Variants in AP4E1 observed in about 807,000 individuals in gnomAD.
AP4E1 encodes AP-4 complex subunit epsilon-1.
AP4E1 carries 56 observed loss-of-function variants against 128.2 expected under a neutral mutation model. The ratio of observed to expected loss-of-function variants is 0.44; its 90% CI spans 0.35 to 0.55. AP4E1 has a LOEUF of 0.55. Among genes scored for constraint, AP4E1 ranks in the 20% least tolerant of loss-of-function variants. AP4E1 has a pLI of 0.00. For missense variants in AP4E1, 1,324 were observed against 1,307.7 expected (o/e 1.01, Z -0.19); for synonymous variants, 484 against 473.1 (o/e 1.02, Z -0.30).
chr15:50,951,604 T>A (rs908840621), intron 13 of AP4E1, among the ~76,000 whole-genome samples: 5 of 152,208 alleles, frequency 3.3e-5, no homozygotes, highest in African/African-American at 9.6e-5. Context: ...AATGTTAGCA[T>A]GTTAGCTTAA....
At chr15:50,950,013 T>C (rs757269694) in intron 12 of AP4E1, 38 bp from the exon 13 acceptor site, 1 of 1,593,366 alleles carries the variant, frequency 6.3e-7, no homozygotes, top group South Asian at 1.1e-5. Context: ...CTAAGATAAG[T>C]TTGTGGAAAT....
At position 50,997,792 on chromosome 15, in the gene AP4E1, A is replaced by G. The variant is rs372620158; in HGVS notation, c.2813A>G (p.Asp938Gly). 110 of 1,609,642 alleles carry G rather than the reference A, an allele frequency of 6.8e-5. No individual in the cohort carries two copies. The highest frequency in any genetic ancestry group is 1.5e-4 in the Admixed American group (9 of 59,616). The change falls in exon 18 of 21, where the codon GAT becomes GGT. Residue 938 changes from aspartate (D) to glycine (G), a missense_variant. By Grantham distance (94) the Asp-to-Gly change is moderately conservative (BLOSUM62 -1). Transcript: ENST00000261842. ...SVSSYKIWKD[D>G]CLLMVWSVTN... The stretch of plus-strand genomic sequence containing the variant: ...TCTTCTTATAAAATTTGGAAAGATG[A>G]TTGTTTATTGATGGTCTGGTCAGTC...
intron 5 of AP4E1, among the ~76,000 whole-genome samples, chr15:50,927,791 G>A (rs897707455): frequency 6.6e-6 from 1 of 151,960 alleles, no homozygotes; most frequent in African/African-American, 2.4e-5. Context: ...GTTCTTGAGT[G>A]GAACACAAAG....
intron 3 of AP4E1, among the ~76,000 whole-genome samples, chr15:50,916,430 C>T (rs1435292778): frequency 6.6e-6 from 1 of 152,106 alleles, no homozygotes; most frequent in Non-Finnish European, 1.5e-5. Flanking sequence ...AGGAAAAATT[C>T]TTTTAAGCAA....
chr15:50,911,416 T>C (rs2063564873), intron 1 of AP4E1, among the ~76,000 whole-genome samples: 1 of 152,232 alleles, frequency 6.6e-6, no homozygotes, highest in East Asian at 1.9e-4. Flanking sequence ...AAGGGGAAGA[T>C]GTGAGATGAG....
At chr15:50,932,403 C>CTG (rs2063847428) in intron 7 of AP4E1, among the ~76,000 whole-genome samples, 1 of 152,176 alleles carries the variant, frequency 6.6e-6, no homozygotes, top group Admixed American at 6.6e-5. Context: ...TTCTCATTCT[C>CTG]TGTGTGTGCA....
At chr15:50,913,447 A>C (rs1195087284) in intron 2 of AP4E1, among the ~76,000 whole-genome samples, 3 of 152,258 alleles carry the variant, frequency 2.0e-5, no homozygotes. Flanking sequence ...GGTAGAAATT[A>C]GGAAGGCAGA....
At chr15:50,988,477 G>C (rs1366662091) in intron 16 of AP4E1, among the ~76,000 whole-genome samples, 6 of 151,966 alleles carry the variant, frequency 3.9e-5, no homozygotes, top group Non-Finnish European at 8.8e-5. Context: ...ACCATACCCG[G>C]CTAATTTTTT....
chr15:50,950,243 A>G, intron 13 of AP4E1, 74 bp downstream of exon 13: 2 of 1,094,728 alleles, frequency 1.8e-6, no homozygotes, highest in Non-Finnish European at 2.7e-6. Context: ...TATTTTCTTC[A>G]GAAACCATTC....
chr15:50,932,308 C>T (rs1355895615), intron 7 of AP4E1, among the ~76,000 whole-genome samples: 1 of 152,170 alleles, frequency 6.6e-6, no homozygotes, highest in Non-Finnish European at 1.5e-5. Context: ...CAAACTTAGA[C>T]ACTTTCAAAG....
intron 15 of AP4E1, among the ~76,000 whole-genome samples, chr15:50,979,504 C>A (rs569445843): frequency 6.6e-6 from 1 of 152,240 alleles, no homozygotes; most frequent in African/African-American, 2.4e-5. Context: ...GCCTTGAGAA[C>A]AATGAGCCAA....
Position 50,941,681 on chromosome 15 carries a change from C to T in AP4E1, c.1082C>T (p.Thr361Ile), listed in dbSNP as rs975369086. 6.2e-7 allele frequency: 1 copy of T among 1,613,382 alleles called. No individual in the cohort carries two copies. The highest frequency in any genetic ancestry group is 8.5e-7 in the Non-Finnish European group (1 of 1,179,618). Residue 361 changes from threonine (T) to isoleucine (I), a missense_variant, in exon 10 of 21, where the codon ACC becomes ATC. Thr to Ile is a moderately conservative substitution (Grantham distance 89). Transcript: ENST00000261842. ...TTGTTTCTAGGACTGAAGGCTCTTA[C>T]CTATGTTATCCAACAGGATCCTACT... The part of the protein sequence containing the change: ...NLKYLGLKAL[T>I]YVIQQDPTLA...
intron 8 of AP4E1, 103 bp from the exon 9 acceptor site, chr15:50,941,339 C>T: frequency 2.3e-6 from 3 of 1,321,568 alleles, no homozygotes; most frequent in Non-Finnish European, 3.2e-6. Context: ...AGATTTCTGA[C>T]TAAAATGGAC....
At chr15:50,964,955 C>CCACACACA (rs55825810) in intron 14 of AP4E1, among the ~76,000 whole-genome samples, 6,162 of 131,418 alleles carry the variant, frequency 0.047, 429 homozygotes, top group African/African-American at 0.14. Context: ...CCTCCCCCTA[C>CCACACACA]CACACACACA....
At chr15:50,921,967 A>G (rs752536672) in intron 3 of AP4E1, among the ~76,000 whole-genome samples, 9 of 151,900 alleles carry the variant, frequency 5.9e-5, no homozygotes, top group Admixed American at 1.3e-4. Flanking sequence ...TGACTTGGGA[A>G]TGGGTGATAC....
chr15:50,928,643 C>CT (rs938393888), intron 5 of AP4E1, among the ~76,000 whole-genome samples: 17 of 147,706 alleles, frequency 1.2e-4, no homozygotes, highest in Admixed American at 5.4e-4. Flanking sequence ...TTACTGTTGA[C>CT]TTTTTTTTTC....
chr15:50,952,765 C>CT (rs34797700), intron 13 of AP4E1, among the ~76,000 whole-genome samples: 91,966 of 151,774 alleles, frequency 0.61, 28,043 homozygotes, highest in Non-Finnish European at 0.63. Context: ...CTACTGTTAA[C>CT]TATAGAATGT....
intron 5 of AP4E1, among the ~76,000 whole-genome samples, chr15:50,928,043 G>A (rs1197663519): frequency 6.6e-6 from 1 of 152,102 alleles, no homozygotes; most frequent in Non-Finnish European, 1.5e-5. Flanking sequence ...CTGTGTGCTA[G>A]ATGTTATCTG....
intron 14 of AP4E1, among the ~76,000 whole-genome samples, chr15:50,965,749 C>T (rs529348149): frequency 3.9e-5 from 6 of 152,162 alleles, no homozygotes; most frequent in Non-Finnish European, 8.8e-5. Flanking sequence ...GTGGTTTTCC[C>T]TTTTATTTTG....
Sources: gnomAD v4.1 joint callset for allele counts (sites outside exome capture counted in the v4.1 genomes callset) on GRCh38, gnomAD v4.1.1 for gene constraint, MANE v1.5 for transcripts, NCBI Gene and HGNC (gene_info 2026-07-23, HGNC 2026-07-21) for gene names.